Variants in CALCRL observed in about 807,000 individuals in gnomAD.
CALCRL encodes the protein calcitonin receptor like receptor, also known as calcitonin gene-related peptide type 1 receptor.
A neutral mutation model predicts 60.4 loss-of-function variants in CALCRL; 27 were observed. That is an observed-to-expected ratio of 0.45 (90% CI 0.33 to 0.62). CALCRL has a LOEUF of 0.62. Among genes scored for constraint, CALCRL ranks in the 20% least tolerant of loss-of-function variants. The pLI, the probability that CALCRL is intolerant of heterozygous loss-of-function variation, is 0.03. For missense variants in CALCRL, 424 were observed against 540.7 expected, an observed-to-expected ratio of 0.78 and a Z score of 2.14; for synonymous variants, 190 against 182.6, an observed-to-expected ratio of 1.04 and a Z score of -0.33.
intron 1 of CALCRL, among the ~76,000 whole-genome samples, chr2:187,399,583 T>C (rs1234416466): frequency 6.6e-6 from 1 of 151,498 alleles, no homozygotes; most frequent in Non-Finnish European, 1.5e-5. Context: ...AGAAAAAAAT[T>C]GCAAATCACA....
chr2:187,371,163 G>C (rs1281188069), intron 8 of CALCRL, among the ~76,000 whole-genome samples: 1 of 151,856 alleles, frequency 6.6e-6, no homozygotes, highest in Non-Finnish European at 1.5e-5. Flanking sequence ...AGAATGTTGT[G>C]AACCTGGGCG....
Position 187,424,960 on chromosome 2 carries a change from A to T in CALCRL, c.-293+23079T>A, listed in dbSNP as rs571359270. Among the ~76,000 whole-genome samples the T allele has an allele frequency of 2.0e-4, 31 of 152,072 alleles. 1 individual carries two copies. The South Asian group carries it at 3.7e-3, about 18-fold the overall frequency. ...AAGGTTTTTTATAATGTCATTTTTT[A>T]AAAAATAAAGTTTTTTATAATGTCT... On this transcript the variant is annotated intron_variant, in intron 1 of 14. Coordinates refer to ENST00000392370, the MANE Select transcript of CALCRL (RefSeq NM_005795.6).
chr2:187,388,891 T>A (rs1688314932), intron 1 of CALCRL, among the ~76,000 whole-genome samples: 2 of 152,044 alleles, frequency 1.3e-5, no homozygotes, highest in Admixed American at 1.3e-4. Flanking sequence ...GTTTGGTGTT[T>A]AACATAGTAC....
intron 9 of CALCRL, among the ~76,000 whole-genome samples, chr2:187,362,645 A>T (rs905885288): frequency 6.6e-6 from 1 of 152,046 alleles, no homozygotes; most frequent in East Asian, 1.9e-4. Context: ...TTAAAATTTG[A>T]ATGTATGTTT....
intron 8 of CALCRL, among the ~76,000 whole-genome samples, chr2:187,374,858 A>C (rs1687678876): frequency 6.6e-6 from 1 of 152,110 alleles, no homozygotes; most frequent in Non-Finnish European, 1.5e-5. Context: ...CTGTAAACAC[A>C]CACACACACA....
intron 8 of CALCRL, among the ~76,000 whole-genome samples, chr2:187,371,159 T>G (rs1360679579): frequency 1.3e-5 from 2 of 151,662 alleles, no homozygotes; most frequent in Admixed American, 1.3e-4. Context: ...CAGGAGAATG[T>G]TGTGAACCTG....
intron 12 of CALCRL, among the ~76,000 whole-genome samples, chr2:187,356,102 C>T (rs988851107): frequency 6.6e-6 from 1 of 152,094 alleles, no homozygotes; most frequent in African/African-American, 2.4e-5. Flanking sequence ...TCAATGCTAT[C>T]CCCATCAAGC....
At position 187,390,705 on chromosome 2, in the gene CALCRL, C is replaced by A. The variant is rs142654521; in HGVS notation, c.-292-2949G>T. Reference sequence around the variant, plus strand: ...ACTTTTATAGCTTTCCTTCTTTACCCTATTCCCTAATGATCTGAAAATTGT... The same window carrying A: ...ACTTTTATAGCTTTCCTTCTTTACCATATTCCCTAATGATCTGAAAATTGT... On this transcript the variant is annotated intron_variant, in intron 1 of 14. Coordinates refer to ENST00000392370, the MANE Select transcript of CALCRL (RefSeq NM_005795.6). Among the ~76,000 whole-genome samples the A allele has an allele frequency of 1.6e-4, 25 of 152,184 alleles. 1 individual carries two copies. The East Asian group carries it at 3.9e-3, about 24-fold the overall frequency.
intron 1 of CALCRL, among the ~76,000 whole-genome samples, chr2:187,417,917 A>T (rs962114899): frequency 6.6e-6 from 1 of 152,204 alleles, no homozygotes; most frequent in Non-Finnish European, 1.5e-5. Flanking sequence ...AACCCACAGT[A>T]TAGGATTTTT....
chr2:187,425,990 T>G (rs112129274), intron 1 of CALCRL, among the ~76,000 whole-genome samples: 6,063 of 152,026 alleles, frequency 0.04, 175 homozygotes, highest in South Asian at 0.12. Flanking sequence ...TTTCTTTCTC[T>G]CCTTGAAATC....
At chr2:187,404,472 G>T (rs961157365) in intron 1 of CALCRL, among the ~76,000 whole-genome samples, 1 of 151,290 alleles carries the variant, frequency 6.6e-6, no homozygotes, top group African/African-American at 2.4e-5. Flanking sequence ...ATATGAAATG[G>T]TTCCCTAGGT....
chr2:187,348,406 G>C (rs555694964), intron 14 of CALCRL, among the ~76,000 whole-genome samples: 2 of 151,722 alleles, frequency 1.3e-5, no homozygotes, highest in South Asian at 4.1e-4. Context: ...AATCAATATA[G>C]TTTCTGGTTG....
At chr2:187,373,976 T>C (rs1687638719) in intron 8 of CALCRL, among the ~76,000 whole-genome samples, 1 of 151,898 alleles carries the variant, frequency 6.6e-6, no homozygotes. Flanking sequence ...GCCTGGGCAA[T>C]ATAATCAAAC....
chr2:187,437,803 A>T (rs1050125310), intron 1 of CALCRL, among the ~76,000 whole-genome samples: 1 of 152,184 alleles, frequency 6.6e-6, no homozygotes, highest in African/African-American at 2.4e-5. Context: ...AATTTTTAAA[A>T]ATGTTTTGAG....
intron 1 of CALCRL, among the ~76,000 whole-genome samples, chr2:187,446,639 C>T (rs1691201072): frequency 6.6e-6 from 1 of 151,756 alleles, no homozygotes; most frequent in Non-Finnish European, 1.5e-5. Flanking sequence ...GTTGTTTCCA[C>T]TTTCTCCCCC....
chr2:187,357,492 G>A (rs796394211), intron 12 of CALCRL, among the ~76,000 whole-genome samples: 3 of 147,900 alleles, frequency 2.0e-5, no homozygotes, highest in African/African-American at 7.5e-5. Context: ...ATCATACACT[G>A]GGGCCTGTCG....
At chr2:187,416,249 A>C (rs1266440130) in intron 1 of CALCRL, among the ~76,000 whole-genome samples, 2 of 152,280 alleles carry the variant, frequency 1.3e-5, no homozygotes, top group East Asian at 3.9e-4. Context: ...AAATAAACAA[A>C]TTTACTAATG....
intron 4 of CALCRL, among the ~76,000 whole-genome samples, chr2:187,383,508 A>C (rs1688070110): frequency 6.6e-6 from 1 of 152,130 alleles, no homozygotes; most frequent in African/African-American, 2.4e-5. Flanking sequence ...ATTTCAAAAC[A>C]CCAACAAGAT....
intron 1 of CALCRL, among the ~76,000 whole-genome samples, chr2:187,434,626 T>C (rs907345696): frequency 1.3e-5 from 2 of 152,150 alleles, no homozygotes; most frequent in East Asian, 3.8e-4. Context: ...CATGGACATA[T>C]GTGTACCAGG....
Sources: allele counts gnomAD v4.1 joint callset (sites outside exome capture counted in the v4.1 genomes callset), GRCh38; gene constraint gnomAD v4.1.1; transcripts MANE v1.5; gene names NCBI Gene and HGNC (gene_info 2026-07-23, HGNC 2026-07-21).